The following QKI variants were observed in gnomAD, a reference collection of about 807,000 sequenced individuals.
QKI encodes the protein QKI, KH domain containing RNA binding.
In QKI, 10 loss-of-function variants were observed where a neutral mutation model predicts 39.0. The observed-to-expected ratio is 0.26, with a 90% CI of 0.16 to 0.43. The LOEUF is 0.43. Among genes scored for constraint, QKI ranks in the 20% least tolerant of loss-of-function variants. QKI has a pLI of 1.00. For missense variants in QKI, 218 were observed against 428.0 expected (o/e 0.51, Z 4.33); for synonymous variants, 204 against 155.4 (o/e 1.31, Z -2.33).
chr6:163,435,445 A>G (rs983416413), intron 1 of QKI, among the ~76,000 whole-genome samples: 1 of 152,128 alleles, frequency 6.6e-6, no homozygotes. Flanking sequence ...CTATAAAGCA[A>G]CTCTTGAGAG....
chr6:163,515,327 T>G (rs368533212), intron 3 of QKI, among the ~76,000 whole-genome samples: 4 of 143,756 alleles, frequency 2.8e-5, no homozygotes, highest in Admixed American at 6.7e-5. Flanking sequence ...TAGTGTGTGT[T>G]TTTTTTTAAG....
chr6:163,526,814 T>C (rs751332769), intron 3 of QKI, among the ~76,000 whole-genome samples: 6 of 152,184 alleles, frequency 3.9e-5, no homozygotes, highest in Non-Finnish European at 7.4e-5. Flanking sequence ...TTGGTCATCG[T>C]GGGGCCAGAA....
At chr6:163,476,792 AGAGT>A (rs938395304) in intron 2 of QKI, among the ~76,000 whole-genome samples, 1 of 152,180 alleles carries the variant, frequency 6.6e-6, no homozygotes, top group African/African-American at 2.4e-5. Flanking sequence ...AGCTTAATTA[AGAGT>A]AAGAGCCTGA....
At position 163,571,177 on chromosome 6, in the gene QKI, A is replaced by T. The variant is rs916793992; in HGVS notation, c.*467A>T. 1 of 152,676 alleles carries T rather than the reference A, an allele frequency of 6.5e-6. No homozygotes were observed. Among genetic ancestry groups the T allele is most frequent in the African/African-American group, 2.4e-5 (1 of 41,464 alleles). The allele number at this position is 152,676 out of a possible 1,614,324, so 9.5% of individuals were successfully genotyped here. ...CTGTGTGATGATGCATCATGCATGA[A>T]CCTTCGGTCAGGGATATCATTGGTG... On this transcript the variant is annotated 3_prime_UTR_variant, in exon 8 of 8. Coordinates refer to ENST00000361752, the MANE Select transcript of QKI (RefSeq NM_006775.3).
chr6:163,415,426 C>G, intron 1 of QKI, 91 bp downstream of exon 1: 1 of 1,011,078 alleles, frequency 9.9e-7, no homozygotes, highest in Non-Finnish European at 1.3e-6. Flanking sequence ...GGGAAGGTCA[C>G]GGCCGGGCGG....
intron 3 of QKI, among the ~76,000 whole-genome samples, chr6:163,514,493 C>T (rs1192253525): frequency 6.6e-6 from 1 of 151,904 alleles, no homozygotes; most frequent in Non-Finnish European, 1.5e-5. Context: ...TAAAATTGCC[C>T]ATTGGTAGTT....
At chr6:163,480,574 A>G (rs1793001136) in intron 3 of QKI, among the ~76,000 whole-genome samples, 1 of 152,220 alleles carries the variant, frequency 6.6e-6, no homozygotes, top group African/African-American at 2.4e-5. Context: ...TCTTATTATA[A>G]TGTATTCCTT....
intron 1 of QKI, among the ~76,000 whole-genome samples, chr6:163,432,391 C>CG (rs1257688076): frequency 1.4e-5 from 2 of 145,942 alleles, no homozygotes; most frequent in Non-Finnish European, 3.0e-5. Flanking sequence ...AATTTAAAAT[C>CG]CCCCCCCTTT....
At chr6:163,556,518 A>C (rs1368420827) in intron 4 of QKI, among the ~76,000 whole-genome samples, 4 of 151,380 alleles carry the variant, frequency 2.6e-5, no homozygotes, top group Non-Finnish European at 5.9e-5. Flanking sequence ...AAAAAAAAAA[A>C]AAAAAACAAC....
At chr6:163,466,093 C>T (rs1791720902) in intron 2 of QKI, among the ~76,000 whole-genome samples, 1 of 150,470 alleles carries the variant, frequency 6.6e-6, no homozygotes, top group South Asian at 2.1e-4. Context: ...CATCACTGCA[C>T]TCCAGCCTGG....
chr6:163,531,107 C>A (rs1780822630), intron 3 of QKI, among the ~76,000 whole-genome samples: 1 of 152,082 alleles, frequency 6.6e-6, no homozygotes, highest in Non-Finnish European at 1.5e-5. Context: ...TCTTTGCTCT[C>A]ATGTTTTTAG....
At chr6:163,476,675 T>C (rs1269634095) in intron 2 of QKI, among the ~76,000 whole-genome samples, 1 of 152,222 alleles carries the variant, frequency 6.6e-6, no homozygotes, top group Non-Finnish European at 1.5e-5. Flanking sequence ...GTTCCACCTT[T>C]TCATTCTTGT....
In QKI at chr6:163,463,497, G is replaced by A. The variant is rs148081210; in HGVS notation, c.285+8076G>A. ...GTAGTCCTTGCACTCGTGATACTTC[G>A]ATTTGACACCAGCAGCAAAGGGGAA... On this transcript the variant is annotated intron_variant, in intron 2 of 7. Coordinates refer to ENST00000361752, the MANE Select transcript of QKI (RefSeq NM_006775.3). 3.7e-3 allele frequency among the ~76,000 whole-genome samples: 566 copies of A among 152,282 alleles called. 4 individuals are homozygous for A. Among genetic ancestry groups the A allele is most frequent in the African/African-American group, 0.012 (517 of 41,558 alleles).
At chr6:163,503,889 AC>A (rs1417382126) in intron 3 of QKI, among the ~76,000 whole-genome samples, 1 of 151,674 alleles carries the variant, frequency 6.6e-6, no homozygotes, top group Non-Finnish European at 1.5e-5. Context: ...ACAGGCGCCC[AC>A]CACCACACCG....
At position 163,575,668 on chromosome 6, in the gene QKI, C is replaced by A. The variant is rs117307292; in HGVS notation, c.*4958C>A. 6.6e-6 allele frequency: 1 copy of A among 152,146 alleles called. No individual in the cohort carries two copies. The allele number at this position is 152,146 out of a possible 1,614,324, so 9.4% of individuals were successfully genotyped here. A position where few individuals can be genotyped will look rare whatever the true frequency, so the allele number is the denominator to read the frequency against. ...TGCCCATAAAACCAGGATGTGCATA[C>A]GTACACACAATCGGTGTCTGGTTAT... On this transcript the variant is annotated 3_prime_UTR_variant, in exon 8 of 8. Transcript: ENST00000361752.
intron 2 of QKI, among the ~76,000 whole-genome samples, chr6:163,456,801 C>T (rs1317409454): frequency 2.0e-5 from 3 of 151,696 alleles, no homozygotes; most frequent in South Asian, 4.2e-4. Flanking sequence ...AACAAAGTGC[C>T]ATGTTAGGCT....
rs1343062012 is a variant in QKI, at chr6:163,578,442, ATGAT to A, written c.*7738_*7741del. The A allele has an allele frequency of 2.6e-5, 4 of 152,202 alleles. No individual in the cohort carries two copies. The highest frequency in any genetic ancestry group is 4.8e-5 in the African/African-American group (2 of 41,446). The allele number at this position is 152,202 out of a possible 1,614,324, so 9.4% of individuals were successfully genotyped here. A position where few individuals can be genotyped will look rare whatever the true frequency, so the allele number is the denominator to read the frequency against. On this transcript the variant is annotated 3_prime_UTR_variant, in exon 8 of 8. Coordinates refer to ENST00000361752, the MANE Select transcript of QKI (RefSeq NM_006775.3). ...TCCCTTATTACATTCATTGTTTTCA[ATGAT>A]TGATTTATAAAATTAAGACATACTG...
intron 2 of QKI, among the ~76,000 whole-genome samples, chr6:163,456,458 A>G (rs1790922954): frequency 6.6e-6 from 1 of 152,204 alleles, no homozygotes; most frequent in Admixed American, 6.5e-5. Flanking sequence ...GCTAAGTTTC[A>G]GAGGACTTTT....
intron 3 of QKI, among the ~76,000 whole-genome samples, chr6:163,515,575 A>C (rs1219676645): frequency 7.2e-5 from 11 of 152,178 alleles, no homozygotes. Flanking sequence ...ACTTGATTTA[A>C]CACATACTAC....
Sources: gnomAD v4.1 joint callset for allele counts (sites outside exome capture counted in the v4.1 genomes callset) on GRCh38, gnomAD v4.1.1 for gene constraint, MANE v1.5 for transcripts, NCBI Gene and HGNC (gene_info 2026-07-23, HGNC 2026-07-21) for gene names.